STS: variants seen among roughly 807,000 people sequenced by gnomAD.
The protein encoded by STS is steroid sulfatase, also known as steryl-sulfatase.
A neutral mutation model predicts 26.8 loss-of-function variants in STS; 7 were observed. That is an observed-to-expected ratio of 0.26 (90% CI 0.15 to 0.49). The LOEUF (loss-of-function observed/expected upper bound fraction) is 0.49. Ranked by LOEUF, STS falls within the 20% of genes least tolerant of loss-of-function variation. The pLI, the probability that STS is intolerant of heterozygous loss-of-function variation, is 0.98. For missense variants in STS, 434 were observed against 465.6 expected (o/e 0.93, Z 0.63); for synonymous variants, 199 against 189.4 (o/e 1.05, Z -0.42).
chrX:7,148,555 T>G (rs1932936857), intron 1 of STS, among the ~76,000 whole-genome samples: 1 of 112,052 alleles, frequency 8.9e-6, no homozygotes, highest in Non-Finnish European at 1.9e-5. Context: ...ATGCTCAGGG[T>G]GGTATCACTT....
At chrX:7,310,386 A>T (rs1926423379) in intron 8 of STS, among the ~76,000 whole-genome samples, 2 of 111,868 alleles carry the variant, frequency 1.8e-5, no homozygotes, top group Admixed American at 1.9e-4. Flanking sequence ...TATGGCTCTC[A>T]ATTTATGTTC....
chrX:7,170,130 A>G (rs1933437998), intron 1 of STS, among the ~76,000 whole-genome samples: 1 of 111,822 alleles, frequency 8.9e-6, no homozygotes, highest in African/African-American at 3.3e-5. Context: ...GTAGAATAAT[A>G]CAATCTGATG....
chrX:7,276,176 G>A, intron 7 of STS, 89 bp downstream of exon 7: 1 of 1,101,864 alleles, frequency 9.1e-7, no homozygotes, highest in Non-Finnish European at 1.2e-6. Context: ...CTTTGTTCCT[G>A]ATGCCTTTAG....
rs1928711942 is a variant in STS at position 7,349,890 on chromosome X, A to T, written c.1366A>T (p.Thr456Ser). ...GTTTCCATCCTTTTAAACCACAGGCACATCCATCTGGAAGGCCTTTTTCTT... is the reference window on the plus strand; with the variant it reads ...GTTTCCATCCTTTTAAACCACAGGCTCATCCATCTGGAAGGCCTTTTTCTT... ...NAVRWHPQNSTSIWKAFFFTP... is the reference protein window; with the variant it reads ...NAVRWHPQNSSSIWKAFFFTP... The change falls in exon 11 of 11, where the codon ACA becomes TCA. Residue 456 changes from threonine to serine, a missense_variant and splice_region_variant. Coordinates refer to ENST00000674429, the MANE Select transcript of STS (RefSeq NM_001320752.2). 1 of 1,210,096 alleles carries T rather than the reference A, an allele frequency of 8.3e-7. No homozygotes were observed. The highest frequency in any genetic ancestry group is 1.7e-5 in the African/African-American group (1 of 57,212).
intron 10 of STS, among the ~76,000 whole-genome samples, chrX:7,349,677 A>T (rs1328041281): frequency 9.0e-6 from 1 of 111,339 alleles, no homozygotes; most frequent in East Asian, 2.8e-4. Flanking sequence ...TGGTCCTACC[A>T]AGTTTGACGC....
intron 2 of STS, among the ~76,000 whole-genome samples, chrX:7,206,191 G>C (rs1463331647): frequency 1.8e-5 from 2 of 111,646 alleles, no homozygotes; most frequent in African/African-American, 6.5e-5. Flanking sequence ...TTATTGCTTT[G>C]GTAATCTCTT....
rs1923458982 is a variant in STS at position 7,257,250 on chromosome X, A to G, written c.146A>G (p.Asn49Ser). The G allele has an allele frequency of 3.3e-6, 4 of 1,209,788 alleles. No individual in the cohort carries two copies. The highest frequency in any genetic ancestry group is 4.4e-5 in the Admixed American group (2 of 45,909). Reference sequence around the variant, plus strand: ...TGATTCTTTTGTTCTAGGACTCCCAATATCGACCGGTTGGCCAGTGGGGGA... The same window carrying G: ...TGATTCTTTTGTTCTAGGACTCCCAGTATCGACCGGTTGGCCAGTGGGGGA... ...CYGNKTIRTP[N>S]IDRLASGGVK... Residue 49 changes from asparagine (N) to serine (S), a missense_variant, in exon 4 of 11, where the codon AAT (asparagine) becomes AGT (serine). This residue lies in a region of STS where 229 missense variants were observed against 288.3 expected (regional missense o/e 0.79). Coordinates refer to ENST00000674429, the MANE Select transcript of STS (RefSeq NM_001320752.2).
chrX:7,324,027 C>A (rs1182495662), intron 8 of STS, among the ~76,000 whole-genome samples: 3 of 111,829 alleles, frequency 2.7e-5, no homozygotes, highest in Non-Finnish European at 5.6e-5. Context: ...GTTGACACAG[C>A]CCCGGGAGAT....
chrX:7,293,900 G>C (rs1194677409), intron 7 of STS, among the ~76,000 whole-genome samples: 1 of 111,188 alleles, frequency 9.0e-6, no homozygotes, highest in Non-Finnish European at 1.9e-5. Flanking sequence ...AGGCTACAAT[G>C]AGCTATGATT....
chrX:7,238,701 G>T (rs1433759756), intron 2 of STS, among the ~76,000 whole-genome samples: 1 of 106,093 alleles, frequency 9.4e-6, no homozygotes, highest in Non-Finnish European at 2.0e-5. Flanking sequence ...GTGTGGTGGT[G>T]CATGCCCGTA....
In STS at chrX:7,345,898, T is replaced by C. The variant is rs1174632186; in HGVS notation, c.1364-3990T>C. Among the ~76,000 whole-genome samples the C allele has an allele frequency of 8.9e-5, 10 of 112,002 alleles. No homozygotes were observed. The East Asian group carries it at 2.5e-3, about 28-fold the overall frequency. ...TTCTGGTTTGCGCCCTCTCTATTTT[T>C]GTTCTTGGGGAGCACATATGCTCAT... is the stretch of plus-strand genomic sequence containing the variant. On this transcript the variant is annotated intron_variant, in intron 10 of 10. Coordinates refer to ENST00000674429, the MANE Select transcript of STS (RefSeq NM_001320752.2).
At chrX:7,231,236 G>C (rs777159049) in intron 2 of STS, among the ~76,000 whole-genome samples, 24 of 111,917 alleles carry the variant, frequency 2.1e-4, no homozygotes, top group Non-Finnish European at 3.0e-4. Flanking sequence ...CCGTTTAGGG[G>C]TGATGAAAAT....
At chrX:7,149,821 C>T (rs1446043732) in intron 1 of STS, among the ~76,000 whole-genome samples, 2 of 111,509 alleles carry the variant, frequency 1.8e-5, no homozygotes, top group Non-Finnish European at 3.8e-5. Context: ...CTATCGTCTT[C>T]CCTCTGTGTG....
At chrX:7,205,322 C>A (rs1015707490) in intron 2 of STS, among the ~76,000 whole-genome samples, 1 of 111,768 alleles carries the variant, frequency 8.9e-6, no homozygotes, top group Non-Finnish European at 1.9e-5. Context: ...TTTTGTTGTT[C>A]CCCCCAAGCT....
intron 1 of STS, among the ~76,000 whole-genome samples, chrX:7,188,499 G>A (rs1381821129): frequency 1.8e-5 from 2 of 112,285 alleles, no homozygotes; most frequent in Admixed American, 1.9e-4. Flanking sequence ...ACTCCTGGGT[G>A]AGAACCCATC....
Position 7,257,255 on chromosome X carries a change from G to C in STS, c.151G>C (p.Asp51His), listed in dbSNP as rs187669216. The C allele has an allele frequency of 8.3e-7, 1 of 1,210,682 alleles. No individual in the cohort carries two copies. The highest frequency in any genetic ancestry group is 1.8e-5 in the South Asian group (1 of 56,955). The part of the protein sequence containing the change: ...GNKTIRTPNI[D>H]RLASGGVKLT... Reference sequence around the variant, plus strand: ...CTTTTGTTCTAGGACTCCCAATATCGACCGGTTGGCCAGTGGGGGAGTGAA... The same window carrying C: ...CTTTTGTTCTAGGACTCCCAATATCCACCGGTTGGCCAGTGGGGGAGTGAA... The change falls in exon 4 of 11, where the codon GAC becomes CAC. Residue 51 changes from aspartate to histidine, a missense_variant. This residue lies in a region of STS where 229 missense variants were observed against 288.3 expected (regional missense o/e 0.79). Coordinates refer to ENST00000674429, the MANE Select transcript of STS (RefSeq NM_001320752.2).
At chrX:7,274,623 C>T (rs753079481) in intron 6 of STS, among the ~76,000 whole-genome samples, 2 of 111,902 alleles carry the variant, frequency 1.8e-5, no homozygotes, top group South Asian at 3.8e-4. Context: ...ATAGCAACAT[C>T]GCTCACAGCC....
chrX:7,280,688 A>G (rs1924815080), intron 7 of STS, among the ~76,000 whole-genome samples: 1 of 112,014 alleles, frequency 8.9e-6, no homozygotes. Flanking sequence ...AGCTTACACC[A>G]TTATAGTGAT....
In STS at chrX:7,164,939, C is replaced by G. The variant is rs762692116; in HGVS notation, c.-134+16856C>G. ...TACCTGGGAGGCTGAGGTGGGAGGA[C>G]AGCTTGAGTCTGGCAGGTTGAGGCT... On this transcript the variant is annotated intron_variant, in intron 1 of 10. Coordinates refer to ENST00000674429, the MANE Select transcript of STS (RefSeq NM_001320752.2). 1.3e-3 allele frequency among the ~76,000 whole-genome samples: 142 copies of G among 109,476 alleles called. 1 individual carries two copies. Among genetic ancestry groups the G allele is most frequent in the Non-Finnish European group, 2.3e-3 (121 of 52,688 alleles).
Sources: gnomAD v4.1 joint callset for allele counts (sites outside exome capture counted in the v4.1 genomes callset) on GRCh38, gnomAD v4.1.1 for gene constraint, gnomAD v4.1.1 regional missense constraint, MANE v1.5 for transcripts, NCBI Gene and HGNC (gene_info 2026-07-23, HGNC 2026-07-21) for gene names.